B3GALT5: variants seen among roughly 807,000 people sequenced by gnomAD.
B3GALT5 encodes the protein beta-1,3-galactosyltransferase 5, also known as UDP-Gal:betaGlcNAc beta 1,3-galactosyltransferase, polypeptide 5.
For synonymous variants in B3GALT5, 156 were observed against 158.6 expected, an observed-to-expected ratio of 0.98 and a Z score of 0.12; for missense variants, 328 against 396.6, an observed-to-expected ratio of 0.83 and a Z score of 1.47.
rs1325308313 is a variant in B3GALT5, at chr21:39,671,255, A to G, written c.*9763A>G. 1 of 152,240 alleles carries G rather than the reference A, an allele frequency of 6.6e-6. No homozygotes were observed. The highest frequency in any genetic ancestry group is 1.9e-4 in the East Asian group (1 of 5,208). The allele number at this position is 152,240 out of a possible 1,614,324, so 9.4% of individuals were successfully genotyped here. A position where few individuals can be genotyped will look rare whatever the true frequency, so the allele number is the denominator to read the frequency against. ...ACTTTGGGGGACACATTCAAACTGT[A>G]GCAGGAATTATTTGCTTTCTCATAA... On this transcript the variant is annotated 3_prime_UTR_variant, in exon 4 of 4. Transcript: ENST00000684187.
rs141089895 is a variant in B3GALT5, at chr21:39,644,641, G to T, written c.-391-1751G>T. ...GGCGTGTATCCCTAGAGAGAGTGAA[G>T]GAATGTCTTGTGTTCTTGTTATGCA... On this transcript the variant is annotated intron_variant, in intron 1 of 3. Transcript: ENST00000684187. 2.0e-5 allele frequency among the ~76,000 whole-genome samples: 3 copies of T among 152,300 alleles called. No homozygotes were observed. In the East Asian group the frequency reaches 5.8e-4, roughly 29 times the overall value.
chr21:39,658,074 G>C (rs1471227780), intron 2 of B3GALT5, among the ~76,000 whole-genome samples: 1 of 152,200 alleles, frequency 6.6e-6, no homozygotes, highest in Non-Finnish European at 1.5e-5. Context: ...TCCTCCTTCA[G>C]TGGAAGGCTG....
At chr21:39,646,300 G>A (rs114086041) in intron 1 of B3GALT5, 92 bp from the exon 2 acceptor site, 10 of 152,226 alleles carry the variant, frequency 6.6e-5, no homozygotes, top group African/African-American at 2.4e-4. Flanking sequence ...CATTGAATAA[G>A]CCAGATTCTC....
intron 1 of B3GALT5, among the ~76,000 whole-genome samples, chr21:39,628,536 G>C (rs1412908202): frequency 1.3e-5 from 2 of 152,202 alleles, no homozygotes; most frequent in African/African-American, 2.4e-5. Context: ...GGTGCCTAAG[G>C]ACATATTTCC....
In B3GALT5 at chr21:39,662,118, C is replaced by T. The variant is rs1368940996; in HGVS notation, c.*626C>T. 6.0e-6 allele frequency: 1 copy of T among 167,092 alleles called. No homozygotes were observed. The highest frequency in any genetic ancestry group is 1.5e-5 in the Non-Finnish European group (1 of 68,146). 10.4% of individuals were successfully genotyped at this position (167,092 alleles called of 1,614,324 possible). On this transcript the variant is annotated 3_prime_UTR_variant, in exon 4 of 4. Coordinates refer to ENST00000684187, the MANE Select transcript of B3GALT5 (RefSeq NM_001356336.2). ...TTGAGTCCATGTTATCGGCTCGGTACTCAACACAACCCAAGTTTCATCCGA... is the reference window on the plus strand; with the variant it reads ...TTGAGTCCATGTTATCGGCTCGGTATTCAACACAACCCAAGTTTCATCCGA...
intron 1 of B3GALT5, among the ~76,000 whole-genome samples, chr21:39,641,817 A>G (rs1011922009): frequency 2.0e-5 from 3 of 152,196 alleles, no homozygotes; most frequent in Non-Finnish European, 4.4e-5. Flanking sequence ...TCTCTTCTGA[A>G]TGTCATTCAG....
At chr21:39,636,429 G>A (rs2079227934) in intron 1 of B3GALT5, among the ~76,000 whole-genome samples, 1 of 152,098 alleles carries the variant, frequency 6.6e-6, no homozygotes, top group African/African-American at 2.4e-5. Flanking sequence ...GGGATCCTGG[G>A]AAGAGAAACC....
intron 1 of B3GALT5, among the ~76,000 whole-genome samples, chr21:39,644,001 A>G (rs2079314325): frequency 6.6e-6 from 1 of 152,196 alleles, no homozygotes; most frequent in Non-Finnish European, 1.5e-5. Flanking sequence ...AAAGTTAAGG[A>G]TGGGCGCCTG....
chr21:39,639,288 CT>C (rs2079254573), intron 1 of B3GALT5, among the ~76,000 whole-genome samples: 1 of 98,428 alleles, frequency 1.0e-5, no homozygotes, highest in African/African-American at 3.6e-5. Context: ...AGGCATCTGG[CT>C]CTTTCTTTCT....
intron 1 of B3GALT5, among the ~76,000 whole-genome samples, chr21:39,636,614 G>A (rs1362772630): frequency 5.3e-5 from 8 of 152,116 alleles, no homozygotes; most frequent in African/African-American, 1.9e-4. Flanking sequence ...TTGAGGGGCT[G>A]TGCACACACC....
At chr21:39,629,820 G>A (rs545980154) in intron 1 of B3GALT5, among the ~76,000 whole-genome samples, 6 of 152,016 alleles carry the variant, frequency 3.9e-5, no homozygotes, top group East Asian at 1.9e-4. Flanking sequence ...TTATTGTTTC[G>A]TGACTAGTAT....
chr21:39,638,247 C>T (rs559279415), intron 1 of B3GALT5, among the ~76,000 whole-genome samples: 1 of 152,288 alleles, frequency 6.6e-6, no homozygotes, highest in South Asian at 2.1e-4. Flanking sequence ...TGGCCTGCCA[C>T]ACCCCCATAC....
In B3GALT5 at chr21:39,661,138, G is replaced by A. The variant is rs2079516466; in HGVS notation, c.579G>A (p.Gln193=). 1 of 1,613,922 alleles carries A rather than the reference G, an allele frequency of 6.2e-7. No homozygotes were observed. Among genetic ancestry groups the A allele is most frequent in the African/African-American group, 1.3e-5 (1 of 74,926 alleles). ...FLKLNEFPIR[Q]PFSKWFVSKS... is the part of the protein sequence containing the mutation. Reference sequence around the variant, plus strand: ...AACTCAATGAGTTTCCCATCAGGCAGCCATTCAGCAAGTGGTTTGTCAGTA... The same window carrying A: ...AACTCAATGAGTTTCCCATCAGGCAACCATTCAGCAAGTGGTTTGTCAGTA... Residue 193 remains glutamine (Q), a synonymous_variant, in exon 4 of 4, where the codon CAG becomes CAA. Transcript: ENST00000684187. The surrounding 1 kb of genome is among the most constrained non-coding windows in gnomAD (Gnocchi z 4.7).
chr21:39,659,896 C>T lies in B3GALT5; in HGVS notation c.-17C>T. 4.1e-6 allele frequency: 4 copies of T among 985,344 alleles called. No homozygotes were observed. Among genetic ancestry groups the T allele is most frequent in the Non-Finnish European group, 4.8e-6 (4 of 829,902 alleles). 61.0% of individuals were successfully genotyped at this position (985,344 alleles called of 1,614,324 possible). ...GCTTTAGCTTTCAAACCAGAGGTTCCTCTTACCCAGCAAAAAGTGAGTTAT... is the reference window on the plus strand; with the variant it reads ...GCTTTAGCTTTCAAACCAGAGGTTCTTCTTACCCAGCAAAAAGTGAGTTAT... On this transcript the variant is annotated 5_prime_UTR_variant, in exon 3 of 4. Transcript: ENST00000684187.
intron 2 of B3GALT5, among the ~76,000 whole-genome samples, chr21:39,655,967 G>T (rs931073574): frequency 6.6e-6 from 1 of 152,168 alleles, no homozygotes; most frequent in Admixed American, 6.5e-5. Flanking sequence ...AGTGGTCTGG[G>T]GTCTTCGACC....
At chr21:39,618,908 C>A (rs1162637955) in intron 1 of B3GALT5, among the ~76,000 whole-genome samples, 1 of 152,068 alleles carries the variant, frequency 6.6e-6, no homozygotes, top group Non-Finnish European at 1.5e-5. Flanking sequence ...TTGCTAAAAG[C>A]CTTCAAGTTT....
At chr21:39,639,410 T>TTCTTTC (rs1569212430) in intron 1 of B3GALT5, among the ~76,000 whole-genome samples, 1 of 94,604 alleles carries the variant, frequency 1.1e-5, no homozygotes, top group Non-Finnish European at 2.2e-5. Flanking sequence ...TTTTCTTTCT[T>TTCTTTC]TCTTTCTTTC....
At chr21:39,657,765 T>C (rs1222146051) in intron 2 of B3GALT5, 4 of 900,942 alleles carry the variant, frequency 4.4e-6, no homozygotes, top group Non-Finnish European at 5.8e-6. Flanking sequence ...ATCCATAACC[T>C]GTTGATTCGA....
At chr21:39,659,672 C>T (rs558407363) in intron 2 of B3GALT5, 81 bp from the exon 3 acceptor site, 145 of 827,294 alleles carry the variant, frequency 1.8e-4, no homozygotes, top group Non-Finnish European at 2.1e-4. Context: ...TGGAAGGTGA[C>T]GCTACAGACA....
Sources: allele counts gnomAD v4.1 joint callset (sites outside exome capture counted in the v4.1 genomes callset), GRCh38; gene constraint gnomAD v4.1.1; non-coding constraint Gnocchi (gnomAD v3.1); transcripts MANE v1.5; gene names NCBI Gene and HGNC (gene_info 2026-07-23, HGNC 2026-07-21).